PNPLA6: variants seen among roughly 807,000 people sequenced by gnomAD.
PNPLA6 encodes patatin-like phospholipase domain-containing protein 6.
PNPLA6 carries 105 observed loss-of-function variants against 153.7 expected under a neutral mutation model. The ratio of observed to expected loss-of-function variants is 0.68; its 90% confidence interval spans 0.58 to 0.80. The LOEUF (loss-of-function observed/expected upper bound fraction) is 0.80, where lower values mean the gene tolerates loss of function less well. PNPLA6 is among the 30% of genes least tolerant of loss of function. PNPLA6 has a pLI of 0.00. For missense variants in PNPLA6, 1,423 were observed against 1,919.3 expected (o/e 0.74, Z 4.83); for synonymous variants, 825 against 822.2 (o/e 1.00, Z -0.06).
Position 7,556,444 on chromosome 19 carries a change from T to G in PNPLA6, c.3094-9T>G, listed in dbSNP as rs769489792. 3.8e-6 allele frequency: 6 copies of G among 1,576,978 alleles called. No individual in the cohort carries two copies. In the Admixed American group the frequency reaches 6.7e-5, roughly 18 times the overall value. On this transcript the variant is annotated splice_polypyrimidine_tract_variant and intron_variant, in intron 24 of 31. Transcript: ENST00000600737. ...TCCTATTTGACCCTGTCTGGCCCCT[T>G]GTCCCTAGAGCATGACTTCGGTGCT...
At chr19:7,539,046 C>T (rs1051922718) in intron 3 of PNPLA6, among the ~76,000 whole-genome samples, 1 of 152,190 alleles carries the variant, frequency 6.6e-6, no homozygotes, top group Non-Finnish European at 1.5e-5. Context: ...CATAAAGGGC[C>T]AGATAGTAAA....
intron 27 of PNPLA6, 113 bp from the exon 28 acceptor site, chr19:7,558,737 C>A: frequency 1.3e-6 from 1 of 781,156 alleles, no homozygotes; most frequent in Non-Finnish European, 2.1e-6. Context: ...TGTGGGTATT[C>A]TCTCTTTTTT....
chr19:7,541,985 G>T lies in PNPLA6; in HGVS notation c.1170G>T (p.Gly390=). 1 of 1,607,908 alleles carries T rather than the reference G, an allele frequency of 6.2e-7. No homozygotes were observed. Among genetic ancestry groups the T allele is most frequent in the Non-Finnish European group, 8.5e-7 (1 of 1,179,512 alleles). The part of the protein sequence containing the change: ...PTGAPLPGPT[G]DPVKPTSLET... Reference sequence around the variant, plus strand: ...AGCCTGAACATGTGTCTCCCCCAGGGGACCCTGTGAAGCCCACATCCCTGG... The same window carrying T: ...AGCCTGAACATGTGTCTCCCCCAGGTGACCCTGTGAAGCCCACATCCCTGG... Residue 390 remains glycine (G), a splice_region_variant and synonymous_variant, in exon 10 of 32, where the codon GGG becomes GGT. Coordinates refer to ENST00000600737, the MANE Select transcript of PNPLA6 (RefSeq NM_001166114.2). This position sits in a 1 kb window ranked among gnomAD's most constrained non-coding sequence, Gnocchi z 5.2.
intron 18 of PNPLA6, among the ~76,000 whole-genome samples, chr19:7,552,105 G>A (rs1018415295): frequency 6.6e-6 from 1 of 152,166 alleles, no homozygotes; most frequent in African/African-American, 2.4e-5. Context: ...GCTAGAACCT[G>A]TTTCAGAAAA....
rs1049186686 is a variant in PNPLA6, at chr19:7,551,162, G to T, written c.2184+55G>T. 6.8e-6 allele frequency: 8 copies of T among 1,179,936 alleles called. No individual in the cohort carries two copies. In the African/African-American group the frequency reaches 1.2e-4, roughly 18 times the overall value. The allele number at this position is 1,179,936 out of a possible 1,614,324, so 73.1% of individuals were successfully genotyped here. On this transcript the variant is annotated intron_variant, in intron 17 of 31. Coordinates refer to ENST00000600737, the MANE Select transcript of PNPLA6 (RefSeq NM_001166114.2). ...GCGGAGGCGGGACTCCGGGGGGGTG[G>T]GGGCCGGGCCTAGTGTGTGGGCGGG...
chr19:7,539,464 G>A (rs1180463804), intron 3 of PNPLA6, among the ~76,000 whole-genome samples: 1 of 142,754 alleles, frequency 7.0e-6, no homozygotes, highest in Non-Finnish European at 1.5e-5. Flanking sequence ...GGGTAAAAGA[G>A]CGAGACTCCT....
Position 7,536,576 on chromosome 19 carries a change from T to C in PNPLA6, c.413+30T>C, listed in dbSNP as rs116490397. 3.5e-4 allele frequency: 510 copies of C among 1,445,684 alleles called. No individual in the cohort carries two copies. In the African/African-American group the frequency reaches 6.0e-3, roughly 17 times the overall value. The allele number at this position is 1,445,684 out of a possible 1,614,324, so 89.6% of individuals were successfully genotyped here. ...GGCTGTGCTGGGTGTGACCTGGTAT[T>C]AGGGGTTATCTCAGGGGCCTTTTGA... On this transcript the variant is annotated intron_variant, in intron 3 of 31. Coordinates refer to ENST00000600737, the MANE Select transcript of PNPLA6 (RefSeq NM_001166114.2).
chr19:7,561,100 C>T lies in PNPLA6; in HGVS notation c.3903C>T (p.Gly1301=). 2 of 1,607,394 alleles carry T rather than the reference C, an allele frequency of 1.2e-6. No individual in the cohort carries two copies. The highest frequency in any genetic ancestry group is 2.2e-5 in the South Asian group (2 of 90,516). ...IEPPTSYVSD[G]CADGEESDCL... is the part of the protein sequence containing the mutation. ...CCCCCACGAGCTATGTCTCTGATGG[C>T]TGTGCTGACGGTGAGGGGCCCAGGG... Residue 1301 remains glycine (G), a synonymous_variant, in exon 30 of 32, where the codon GGC becomes GGT. Transcript: ENST00000600737.
At position 7,544,589 on chromosome 19, in the gene PNPLA6, A is replaced by G. The variant is rs373440268; in HGVS notation, c.1608+1505A>G. On this transcript the variant is annotated intron_variant, in intron 13 of 31. Coordinates refer to ENST00000600737, the MANE Select transcript of PNPLA6 (RefSeq NM_001166114.2). ...CAGGGAGGGTGTTTAGCAGCAGCTT[A>G]TAGGGAGCGGGGGCTTGAGGTGACA... Among the ~76,000 whole-genome samples the G allele has an allele frequency of 2.6e-5, 4 of 152,074 alleles. No homozygotes were observed. In the East Asian group the frequency reaches 5.8e-4, roughly 22 times the overall value.
chr19:7,560,874 C>A, intron 29 of PNPLA6, 110 bp downstream of exon 29: 2 of 879,564 alleles, frequency 2.3e-6, no homozygotes, highest in Non-Finnish European at 3.8e-6. Flanking sequence ...CTGGGTTTTG[C>A]TGAGCTCTCA....
intron 13 of PNPLA6, among the ~76,000 whole-genome samples, chr19:7,544,692 G>T (rs1386196468): frequency 1.3e-5 from 2 of 151,994 alleles, no homozygotes; most frequent in African/African-American, 2.4e-5. Context: ...GTTGGGGTGG[G>T]GTGGGAGCTG....
At position 7,556,532 on chromosome 19, in the gene PNPLA6, G is replaced by A. The variant is rs546006619; in HGVS notation, c.3173G>A (p.Arg1058His). 8 of 1,613,366 alleles carry A rather than the reference G, an allele frequency of 5.0e-6. No homozygotes were observed. The highest frequency in any genetic ancestry group is 4.5e-5 in the East Asian group (2 of 44,848). The change falls in exon 25 of 32, where the codon CGC becomes CAC. Residue 1058 changes from arginine (R) to histidine (H), a missense_variant. Around this residue, in one of 10 missense-constraint regions of PNPLA6, gnomAD observed 643 missense variants for 835.2 expected, o/e 0.77. Coordinates refer to ENST00000600737, the MANE Select transcript of PNPLA6 (RefSeq NM_001166114.2). ...ATGTTCACTGGGTCTGCCTTTAACC[G>A]CAGCATCCATCGGGTCTTCCAGGAT... Reference protein sequence around the residue: ...TSMFTGSAFNRSIHRVFQDKQ... With the variant: ...TSMFTGSAFNHSIHRVFQDKQ...
In PNPLA6 at chr19:7,547,820, T is replaced by TAAAA. The variant is rs1568413528; in HGVS notation, c.1609-2087_1609-2086insAAAA. On this transcript the variant is annotated intron_variant, in intron 13 of 31. Coordinates refer to ENST00000600737, the MANE Select transcript of PNPLA6 (RefSeq NM_001166114.2). ...GCCTGGCTAATTAAAAATTTTTTTT[T>TAAAA]TTTTTTTTTTTTTTTTTTTTTTTGT... Among the ~76,000 whole-genome samples the TAAAA allele has an allele frequency of 9.4e-3, 76 of 8,082 alleles. 3 individuals are homozygous for TAAAA. Among genetic ancestry groups the TAAAA allele is most frequent in the African/African-American group, 0.048 (58 of 1,208 alleles). The allele number at this position is 8,082 out of a possible 152,430, so 5.3% of individuals were successfully genotyped here. A position where few individuals can be genotyped will look rare whatever the true frequency, so the allele number is the denominator to read the frequency against.
chr19:7,554,860 C>T (rs367784401), intron 21 of PNPLA6, 33 bp from the exon 22 acceptor site: 93 of 1,569,682 alleles, frequency 5.9e-5, no homozygotes, highest in Non-Finnish European at 7.5e-5. Context: ...GGTGGTGGGG[C>T]GGCTGGTGAC....
intron 11 of PNPLA6, 22 bp from the exon 12 acceptor site, chr19:7,542,739 G>A (rs1226608748): frequency 1.2e-6 from 2 of 1,612,704 alleles, no homozygotes; most frequent in African/African-American, 2.7e-5. Flanking sequence ...GCATCAGGAG[G>A]TCACAAGCCT....
rs2024073205 is a variant in PNPLA6 at position 7,560,955 on chromosome 19, C to G, written c.3817-59C>G. 11 of 1,107,616 alleles carry G rather than the reference C, an allele frequency of 9.9e-6. No homozygotes were observed. In the South Asian group the frequency reaches 1.5e-4, roughly 15 times the overall value. The allele number at this position is 1,107,616 out of a possible 1,614,324, so 68.6% of individuals were successfully genotyped here. A position where few individuals can be genotyped will look rare whatever the true frequency, so the allele number is the denominator to read the frequency against. ...AGCCCCCAATGCACCACTGGGCCCC[C>G]CAGGGGCCCCAAGACTCTGTGGGCC... On this transcript the variant is annotated intron_variant, in intron 29 of 31. Coordinates refer to ENST00000600737, the MANE Select transcript of PNPLA6 (RefSeq NM_001166114.2).
In PNPLA6 at chr19:7,539,895, CGGCA is replaced by C; in HGVS notation, c.414-22_414-19del. On this transcript the variant is annotated intron_variant, in intron 3 of 31. Transcript: ENST00000600737. ...GCCTTCTCCGTGCCCCCCTCACCCC[CGGCA>C]CCCCTCCCCTCCCACCAGGATCCTG... 2 of 1,509,452 alleles carry C rather than the reference CGGCA, an allele frequency of 1.3e-6. No individual in the cohort carries two copies. The highest frequency in any genetic ancestry group is 1.8e-6 in the Non-Finnish European group (2 of 1,121,238). 93.5% of individuals were successfully genotyped at this position (1,509,452 alleles called of 1,614,324 possible). A position where few individuals can be genotyped will look rare whatever the true frequency, so the allele number is the denominator to read the frequency against.
At chr19:7,553,489 C>T (rs1264268938) in intron 18 of PNPLA6, among the ~76,000 whole-genome samples, 6 of 152,108 alleles carry the variant, frequency 3.9e-5, no homozygotes, top group South Asian at 2.1e-4. Context: ...ATTTCTGCCT[C>T]GTTTTATGTT....
At position 7,541,559 on chromosome 19, in the gene PNPLA6, T is replaced by C; in HGVS notation, c.1043T>C (p.Leu348Pro). 6.2e-7 allele frequency: 1 copy of C among 1,601,622 alleles called. No homozygotes were observed. The highest frequency in any genetic ancestry group is 8.5e-7 in the Non-Finnish European group (1 of 1,174,322). The change falls in exon 9 of 32, where the codon CTC becomes CCC. Residue 348 changes from leucine (L) to proline (P), a missense_variant. By Grantham distance (98) the Leu-to-Pro change is moderately conservative. Transcript: ENST00000600737. This position sits in a 1 kb window ranked among gnomAD's most constrained non-coding sequence, Gnocchi z 5.2. ...CTGCGTCTGTTCCCCAGCCCCGGCC[T>C]CCCAACTCGCACCAGCCCTGTGCGG... Reference protein sequence around the residue: ...QPLRLFPSPGLPTRTSPVRGS... With the variant: ...QPLRLFPSPGPPTRTSPVRGS...
Sources: gnomAD v4.1 joint callset for allele counts (sites outside exome capture counted in the v4.1 genomes callset) on GRCh38, gnomAD v4.1.1 for gene constraint, gnomAD v4.1.1 regional missense constraint, Gnocchi (gnomAD v3.1) non-coding constraint, MANE v1.5 for transcripts, NCBI Gene and HGNC (gene_info 2026-07-23, HGNC 2026-07-21) for gene names.